Variants in SMCR8 observed in about 807,000 individuals in gnomAD.
SMCR8 encodes guanine nucleotide exchange protein SMCR8.
SMCR8 carries 30 observed loss-of-function variants against 56.6 expected under a neutral mutation model. The observed-to-expected ratio is 0.53, with a 90% CI of 0.40 to 0.72. The LOEUF is 0.72. Ranked by LOEUF, SMCR8 falls within the 30% of genes least tolerant of loss-of-function variation. The pLI is 0.00. For missense variants in SMCR8, 1,198 were observed against 1,157.0 expected, an observed-to-expected ratio of 1.04 and a Z score of -0.51; for synonymous variants, 538 against 456.0, an observed-to-expected ratio of 1.18 and a Z score of -2.29.
In SMCR8 at chr17:18,326,537, A is replaced by T. The variant is rs1481798156; in HGVS notation, c.*3467A>T. 1 of 152,248 alleles carries T rather than the reference A, an allele frequency of 6.6e-6. No homozygotes were observed. The highest frequency in any genetic ancestry group is 1.9e-4 in the East Asian group (1 of 5,202). The allele number at this position is 152,248 out of a possible 1,614,324, so 9.4% of individuals were successfully genotyped here. ...ACATTGCTCCCAAATTTGGAAATAG[A>T]CCACAGTACCTTACCTTTCATTCCC... On this transcript the variant is annotated 3_prime_UTR_variant, in exon 2 of 2. Transcript: ENST00000406438.
Position 18,327,429 on chromosome 17 carries a change from A to G in SMCR8, c.*4359A>G, listed in dbSNP as rs888401939. The G allele has an allele frequency of 6.6e-6, 1 of 152,226 alleles. No individual in the cohort carries two copies. Among genetic ancestry groups the G allele is most frequent in the African/African-American group, 2.4e-5 (1 of 41,446 alleles). The allele number at this position is 152,226 out of a possible 1,614,324, so 9.4% of individuals were successfully genotyped here. On this transcript the variant is annotated 3_prime_UTR_variant, in exon 2 of 2. Transcript: ENST00000406438. ...GGGTCAGGCCCCTAAATTGAAGACCACTTTGGTAGCAGAACTGTAGGGACT... is the reference window on the plus strand; with the variant it reads ...GGGTCAGGCCCCTAAATTGAAGACCGCTTTGGTAGCAGAACTGTAGGGACT...
rs570828126 is a variant in SMCR8 at position 18,315,735 on chromosome 17, T to G, written c.-55T>G. ...GGAGGCCTGCCTTCTGCGCGTCGAT[T>G]AACACCGCATTCTTTCCCACTTCCT... On this transcript the variant is annotated 5_prime_UTR_variant, in exon 1 of 2. It adds an upstream start codon to the 5' untranslated region. Coordinates refer to ENST00000406438, the MANE Select transcript of SMCR8 (RefSeq NM_144775.3). 1 of 1,501,436 alleles carries G rather than the reference T, an allele frequency of 6.7e-7. No individual in the cohort carries two copies. Among genetic ancestry groups the G allele is most frequent in the African/African-American group, 1.4e-5 (1 of 71,670 alleles). 93.0% of individuals were successfully genotyped at this position (1,501,436 alleles called of 1,614,324 possible).
chr17:18,316,398 T>G lies in SMCR8; in HGVS notation c.609T>G (p.Asp203Glu). Residue 203 changes from aspartate (D) to glutamate (E), a missense_variant, in exon 1 of 2, where the codon GAT becomes GAG. By Grantham distance (45) the Asp-to-Glu change is conservative. Coordinates refer to ENST00000406438, the MANE Select transcript of SMCR8 (RefSeq NM_144775.3). Reference protein sequence around the residue: ...GELEKKLKDLDYTRTVLHTET... With the variant: ...GELEKKLKDLEYTRTVLHTET... ...TTGAAAAAAAGCTGAAAGACTTGGA[T>G]TACACCAGGACAGTGCTACACACAG... is the stretch of plus-strand genomic sequence containing the variant. 1 of 1,613,680 alleles carries G rather than the reference T, an allele frequency of 6.2e-7. No homozygotes were observed. Among genetic ancestry groups the G allele is most frequent in the Non-Finnish European group, 8.5e-7 (1 of 1,179,970 alleles).
intron 1 of SMCR8, among the ~76,000 whole-genome samples, chr17:18,321,238 G>C (rs969993005): frequency 5.9e-5 from 9 of 152,236 alleles, no homozygotes; most frequent in Non-Finnish European, 1.3e-4. Context: ...GGCAGTCCCT[G>C]CTGCTCTGGG....
chr17:18,317,711 A>C lies in SMCR8; in HGVS notation c.1922A>C (p.Asp641Ala), dbSNP rs1470340502. 3 of 1,614,162 alleles carry C rather than the reference A, an allele frequency of 1.9e-6. No homozygotes were observed. In the East Asian group the frequency reaches 6.7e-5, roughly 36 times the overall value. ...GAAAATGCCAACCCTTCTTCCCGAG[A>C]CAACAGTTGTGAAGGGTTTCCCGCT... ...SVENANPSSR[D>A]NSCEGFPAYE... The change falls in exon 1 of 2, where the codon GAC (aspartate) becomes GCC (alanine). Residue 641 changes from aspartate (D) to alanine (A), a missense_variant. Transcript: ENST00000406438.
At position 18,316,946 on chromosome 17, in the gene SMCR8, A is replaced by G; in HGVS notation, c.1157A>G (p.Gln386Arg). ...VEVDDRMVEKQESIPSKPSQD... is the reference protein window; with the variant it reads ...VEVDDRMVEKRESIPSKPSQD... ...GTCGATGACAGGATGGTGGAGAAAC[A>G]AGAAAGCATACCCTCTAAGCCCAGT... The change falls in exon 1 of 2, where the codon CAA becomes CGA. Residue 386 changes from glutamine (Q) to arginine (R), a missense_variant. By Grantham distance (43) the Gln-to-Arg change is conservative (BLOSUM62 1). Transcript: ENST00000406438. 1 of 1,614,188 alleles carries G rather than the reference A, an allele frequency of 6.2e-7. No homozygotes were observed. The highest frequency in any genetic ancestry group is 8.5e-7 in the Non-Finnish European group (1 of 1,180,022).
At chr17:18,318,482 C>T (rs188724985) in intron 1 of SMCR8, among the ~76,000 whole-genome samples, 1 of 152,330 alleles carries the variant, frequency 6.6e-6, no homozygotes, top group Non-Finnish European at 1.5e-5. Context: ...TGGCTCACTG[C>T]AATCTCCGCC....
chr17:18,317,890 A>C lies in SMCR8; in HGVS notation c.2101A>C (p.Arg701=). Residue 701 remains arginine (R), a synonymous_variant, in exon 1 of 2, where the codon AGG becomes CGG. Coordinates refer to ENST00000406438, the MANE Select transcript of SMCR8 (RefSeq NM_144775.3). ...SAYPAGLSSD[R]HKKRAGQNAL... is the part of the protein sequence containing the mutation. Reference sequence around the variant, plus strand: ...TTATCCTGCTGGCCTGTCTTCCGATAGGCATAAAAAGAGGGCTGGCCAGAA... The same window carrying C: ...TTATCCTGCTGGCCTGTCTTCCGATCGGCATAAAAAGAGGGCTGGCCAGAA... 6.2e-7 allele frequency: 1 copy of C among 1,614,170 alleles called. No homozygotes were observed. The highest frequency in any genetic ancestry group is 1.3e-5 in the African/African-American group (1 of 75,048).
chr17:18,317,812 A>G lies in SMCR8; in HGVS notation c.2023A>G (p.Thr675Ala). The G allele has an allele frequency of 1.9e-6, 3 of 1,614,066 alleles. No individual in the cohort carries two copies. The highest frequency in any genetic ancestry group is 2.5e-6 in the Non-Finnish European group (3 of 1,179,968). ...CAGCCTGGACAACTACTCAGACACCACCAGCTACGTGAGCAGTGTAGCGTC... is the reference window on the plus strand; with the variant it reads ...CAGCCTGGACAACTACTCAGACACCGCCAGCTACGTGAGCAGTGTAGCGTC... Reference protein sequence around the residue: ...KTSLDNYSDTTSYVSSVASTS... With the variant: ...KTSLDNYSDTASYVSSVASTS... The change falls in exon 1 of 2, where the codon ACC becomes GCC. Residue 675 changes from threonine (T) to alanine (A), a missense_variant. Thr to Ala is a moderately conservative substitution (Grantham distance 58). Coordinates refer to ENST00000406438, the MANE Select transcript of SMCR8 (RefSeq NM_144775.3).
rs773655032 is a variant in SMCR8 at position 18,322,934 on chromosome 17, G to A, written c.2678G>A (p.Gly893Asp). 1.9e-6 allele frequency: 3 copies of A among 1,614,252 alleles called. No individual in the cohort carries two copies. The South Asian group carries it at 3.3e-5, about 18-fold the overall frequency. ...ATGAGCTTCCTAAAGCTGACCCTGG[G>A]TCTGGTGAATGAGGATGTTAGGGTG... ...RQMSFLKLTL[G>D]LVNEDVRVVQ... The change falls in exon 2 of 2, where the codon GGT becomes GAT. Residue 893 changes from glycine to aspartate, a missense_variant. Gly to Asp is a moderately conservative substitution (Grantham distance 94). Coordinates refer to ENST00000406438, the MANE Select transcript of SMCR8 (RefSeq NM_144775.3).
rs1337637214 is a variant in SMCR8, at chr17:18,322,202, A to G, written c.2361-415A>G. Among the ~76,000 whole-genome samples, 3 of 151,998 alleles carry G rather than the reference A, an allele frequency of 2.0e-5. 1 individual carries two copies. The highest frequency in any genetic ancestry group is 2.0e-4 in the Admixed American group (3 of 15,244). ...AATTTTTTGTATTTTTAGTAGAGAC[A>G]GGGTTTCACCGTGTTAGCCAGGATG... is the stretch of plus-strand genomic sequence containing the variant. On this transcript the variant is annotated intron_variant, in intron 1 of 1. Coordinates refer to ENST00000406438, the MANE Select transcript of SMCR8 (RefSeq NM_144775.3).
Position 18,317,090 on chromosome 17 carries a change from G to A in SMCR8, c.1301G>A (p.Gly434Glu), listed in dbSNP as rs2142993500. The A allele has an allele frequency of 6.2e-7, 1 of 1,614,178 alleles. No homozygotes were observed. Residue 434 changes from glycine to glutamate, a missense_variant, in exon 1 of 2, where the codon GGA (glycine) becomes GAA (glutamate). By Grantham distance (98) the Gly-to-Glu change is moderately conservative. Transcript: ENST00000406438. ...TTGATCAAGATGGAGCAGGAACTGG[G>A]AGATGAGGAGTACAAGGAAGTGGAA... ...SVLIKMEQEL[G>E]DEEYKEVEVT...
intron 1 of SMCR8, 59 bp downstream of exon 1, chr17:18,318,208 TG>T: frequency 6.6e-7 from 1 of 1,507,172 alleles, no homozygotes; most frequent in Admixed American, 1.8e-5. Context: ...GGTATATTGG[TG>T]TGGTGGAGCC....
Position 18,315,911 on chromosome 17 carries a change from G to T in SMCR8, c.122G>T (p.Gly41Val). The T allele has an allele frequency of 6.2e-7, 1 of 1,614,182 alleles. No homozygotes were observed. Among genetic ancestry groups the T allele is most frequent in the Non-Finnish European group, 8.5e-7 (1 of 1,180,040 alleles). ...SVPLFPFASQ[G>V]ANPWSKLSGA... ...CCGCTCTTCCCCTTCGCCAGTCAGG[G>T]TGCTAACCCCTGGTCAAAACTGTCC... Residue 41 changes from glycine to valine, a missense_variant, in exon 1 of 2, where the codon GGT (glycine) becomes GTT (valine). Physicochemically the swap from Gly to Val is moderately radical, Grantham distance 109. Transcript: ENST00000406438.
At chr17:18,321,914 G>A (rs62072540) in intron 1 of SMCR8, among the ~76,000 whole-genome samples, 32,886 of 152,236 alleles carry the variant, frequency 0.22, 3,802 homozygotes, top group East Asian at 0.3. Context: ...CAAGGTCACA[G>A]CAGGAAAGCA....
Position 18,324,831 on chromosome 17 carries a change from A to G in SMCR8, c.*1761A>G, listed in dbSNP as rs1417658003. On this transcript the variant is annotated 3_prime_UTR_variant, in exon 2 of 2. Transcript: ENST00000406438. ...TGCGATGGAGAACCTTTTGTGGCAG[A>G]TGGTGCTGCCTACATCTCATTGGTT... The G allele has an allele frequency of 1.3e-5, 2 of 152,284 alleles. No individual in the cohort carries two copies. Among genetic ancestry groups the G allele is most frequent in the African/African-American group, 2.4e-5 (1 of 41,466 alleles). The allele number at this position is 152,284 out of a possible 1,614,324, so 9.4% of individuals were successfully genotyped here.
Position 18,315,718 on chromosome 17 carries a change from G to T in SMCR8, c.-72G>T. Reference sequence around the variant, plus strand: ...GCTTCACTTCCTTCTCCGGAGGCCTGCCTTCTGCGCGTCGATTAACACCGC... The same window carrying T: ...GCTTCACTTCCTTCTCCGGAGGCCTTCCTTCTGCGCGTCGATTAACACCGC... On this transcript the variant is annotated 5_prime_UTR_variant, in exon 1 of 2. Transcript: ENST00000406438. 1 of 1,419,982 alleles carries T rather than the reference G, an allele frequency of 7.0e-7. No homozygotes were observed. The highest frequency in any genetic ancestry group is 9.5e-7 in the Non-Finnish European group (1 of 1,049,022). 88.0% of individuals were successfully genotyped at this position (1,419,982 alleles called of 1,614,324 possible). A position where few individuals can be genotyped will look rare whatever the true frequency, so the allele number is the denominator to read the frequency against.
In SMCR8 at chr17:18,317,197, GA is replaced by G; in HGVS notation, c.1411del (p.Ser471ValfsTer27). 6.2e-7 allele frequency: 1 copy of G among 1,614,144 alleles called. No homozygotes were observed. Among genetic ancestry groups the G allele is most frequent in the South Asian group, 1.1e-5 (1 of 91,078 alleles). On this transcript the variant is annotated frameshift_variant, in exon 1 of 2. Coordinates refer to ENST00000406438, the MANE Select transcript of SMCR8 (RefSeq NM_144775.3). LOFTEE classifies it high-confidence loss of function. The stretch of plus-strand genomic sequence containing the variant: ...TATGAAAGGGAGTATCAGCAGTGGT[GA>G]AAGTATTGAAGTTTTGGGCACGGAG... The part of the protein sequence containing the change: ...MDMKGSISSG[E>X]SIEVLGTEKS...
At chr17:18,320,598 G>A (rs574785215) in intron 1 of SMCR8, among the ~76,000 whole-genome samples, 7 of 152,202 alleles carry the variant, frequency 4.6e-5, no homozygotes, top group African/African-American at 1.7e-4. Context: ...GGGTGAAGGC[G>A]TTAGAGAGCT....
Sources: gnomAD v4.1 joint callset for allele counts (sites outside exome capture counted in the v4.1 genomes callset) on GRCh38, gnomAD v4.1.1 for gene constraint, MANE v1.5 for transcripts, NCBI Gene and HGNC (gene_info 2026-07-23, HGNC 2026-07-21) for gene names.